Variants in NCKAP5 observed in about 807,000 individuals in gnomAD.
NCKAP5 encodes the protein nck-associated protein 5.
Under a neutral mutation model 167.0 loss-of-function variants are expected in NCKAP5, and 92 were observed. That is an observed-to-expected ratio of 0.55 (90% confidence interval 0.47 to 0.66). NCKAP5 has a LOEUF of 0.66. Ranked by LOEUF, NCKAP5 falls within the 30% of genes least tolerant of loss-of-function variation. The pLI is 0.00. For synonymous variants in NCKAP5, 891 were observed against 877.4 expected (o/e 1.02, Z -0.27); for missense variants, 2,378 against 2,315.0 (o/e 1.03, Z -0.56).
At chr2:133,577,450 A>G in the NCKAP5 span, among the ~76,000 whole-genome samples, 4 of 151,766 alleles carry the variant, frequency 2.6e-5, no homozygotes, top group East Asian at 3.9e-4. Context: ...TATATTCCCT[A>G]TTTTACCATT....
At chr2:133,171,937 G>A (rs1559221931) in intron 5 of NCKAP5, among the ~76,000 whole-genome samples, 1 of 152,152 alleles carries the variant, frequency 6.6e-6, no homozygotes, top group Non-Finnish European at 1.5e-5. Context: ...GAATTCTTCT[G>A]GGGAACAAGT....
Position 132,721,214 on chromosome 2 carries a change from A to C in NCKAP5, c.5713+4413T>G, listed in dbSNP as rs1689888774. Among the ~76,000 whole-genome samples the C allele has an allele frequency of 2.0e-5, 3 of 152,172 alleles. 1 individual carries two copies. In the South Asian group the frequency reaches 6.2e-4, roughly 32 times the overall value. On this transcript the variant is annotated intron_variant, in intron 19 of 19. Coordinates refer to ENST00000409261, the MANE Select transcript of NCKAP5 (RefSeq NM_207363.3). ...TCCCAGCTACTCGGGAGGCTGAGGC[A>C]GGAGAATCGCTTCAACCCAAGAGAC... is the stretch of plus-strand genomic sequence containing the variant.
At chr2:133,213,858 T>C in intron 4 of NCKAP5, 79 bp from the exon 5 acceptor site, 1 of 1,402,798 alleles carries the variant, frequency 7.1e-7, no homozygotes, top group African/African-American at 1.4e-5. Context: ...AACATTCTTT[T>C]GAGGTCTCTA....
At chr2:133,529,302 G>A (rs932790677) in intron 2 of NCKAP5, among the ~76,000 whole-genome samples, 1 of 151,766 alleles carries the variant, frequency 6.6e-6, no homozygotes, top group Non-Finnish European at 1.5e-5. Flanking sequence ...TTTTCTATTT[G>A]TTTACCTATA....
chr2:133,039,211 TTAGATCA>T (rs1223357879), intron 6 of NCKAP5, among the ~76,000 whole-genome samples: 3 of 152,186 alleles, frequency 2.0e-5, no homozygotes, highest in African/African-American at 7.2e-5. Flanking sequence ...GCAATGGGTG[TTAGATCA>T]CCTTGACTTC....
chr2:133,385,555 G>T (rs949943220), intron 3 of NCKAP5, among the ~76,000 whole-genome samples: 1 of 152,184 alleles, frequency 6.6e-6, no homozygotes, highest in Admixed American at 6.5e-5. Flanking sequence ...GATGATGCTG[G>T]CCTCATAAAA....
In NCKAP5 at chr2:132,825,086, T is replaced by C. The variant is rs1042947041; in HGVS notation, c.808-28357A>G. On this transcript the variant is annotated intron_variant, in intron 11 of 19. Coordinates refer to ENST00000409261, the MANE Select transcript of NCKAP5 (RefSeq NM_207363.3). ...TATTAGAGATCCCTGAAAACCAACA[T>C]AGATCTCAGTGGGACAATATCCTGA... Among the ~76,000 whole-genome samples the C allele has an allele frequency of 7.9e-5, 12 of 152,194 alleles. 1 individual carries two copies. Among genetic ancestry groups the C allele is most frequent in the Non-Finnish European group, 1.0e-4 (7 of 68,036 alleles).
At chr2:133,067,875 G>T (rs1040654909) in intron 6 of NCKAP5, among the ~76,000 whole-genome samples, 1 of 152,064 alleles carries the variant, frequency 6.6e-6, no homozygotes, top group African/African-American at 2.4e-5. Flanking sequence ...AATAGAATTG[G>T]GTAGCAGGAG....
chr2:133,007,356 C>T (rs1337509887), intron 6 of NCKAP5, among the ~76,000 whole-genome samples: 5 of 152,284 alleles, frequency 3.3e-5, no homozygotes, highest in African/African-American at 1.2e-4. Context: ...GTGAGAAGGG[C>T]AGAAAATTGG....
intron 7 of NCKAP5, among the ~76,000 whole-genome samples, chr2:132,986,607 A>G (rs2077296106): frequency 6.6e-6 from 1 of 152,202 alleles, no homozygotes; most frequent in South Asian, 2.1e-4. Flanking sequence ...AAAATCTATT[A>G]TGTTAGAAAT....
intron 11 of NCKAP5, among the ~76,000 whole-genome samples, chr2:132,807,494 C>G (rs953387564): frequency 1.3e-5 from 2 of 151,886 alleles, no homozygotes; most frequent in African/African-American, 4.8e-5. Context: ...AGGTATATTC[C>G]TAAGTATTTA....
In NCKAP5 at chr2:133,468,529, G is replaced by A. The variant is rs865898171; in HGVS notation, c.69+48929C>T. Among the ~76,000 whole-genome samples the A allele has an allele frequency of 1.1e-3, 162 of 152,098 alleles. 1 individual carries two copies. Among genetic ancestry groups the A allele is most frequent in the African/African-American group, 3.3e-3 (137 of 41,476 alleles). On this transcript the variant is annotated intron_variant, in intron 3 of 19. Transcript: ENST00000409261. Reference sequence around the variant, plus strand: ...AGTTCTGTAGATGTCTATTAGGTCCGCTTGGTGCGGAGCTGAGTTCAATTC... The same window carrying A: ...AGTTCTGTAGATGTCTATTAGGTCCACTTGGTGCGGAGCTGAGTTCAATTC...
At position 132,790,202 on chromosome 2, in the gene NCKAP5, G is replaced by A. The variant is rs1367089838; in HGVS notation, c.913C>T (p.His305Tyr). 3.7e-6 allele frequency: 6 copies of A among 1,611,032 alleles called. No individual in the cohort carries two copies. The highest frequency in any genetic ancestry group is 1.3e-5 in the African/African-American group (1 of 74,994). ...QSRTDAEVHEHQLNTKSALKC... is the reference protein window; with the variant it reads ...QSRTDAEVHEYQLNTKSALKC... ...AAGGCCGATTTTGTATTTAGTTGGT[G>A]TTCCTGAAAAAGCAGGACAGCTCTG... Residue 305 changes from histidine (H) to tyrosine (Y), a missense_variant, in exon 13 of 20, where the codon CAC becomes TAC. This residue lies in a region of NCKAP5 where 1,049 missense variants were observed against 1,023.4 expected (regional missense o/e 1.02). Coordinates refer to ENST00000409261, the MANE Select transcript of NCKAP5 (RefSeq NM_207363.3).
the NCKAP5 span, among the ~76,000 whole-genome samples, chr2:133,617,840 C>T: frequency 4.7e-5 from 7 of 150,298 alleles, no homozygotes; most frequent in Non-Finnish European, 7.4e-5. Flanking sequence ...GAGCCCGCAT[C>T]GCCAAGTCAA....
intron 6 of NCKAP5, among the ~76,000 whole-genome samples, chr2:133,126,445 A>G (rs1216444551): frequency 6.6e-6 from 1 of 152,228 alleles, no homozygotes; most frequent in East Asian, 1.9e-4. Flanking sequence ...TTTAAGCACC[A>G]GAGTACCGGA....
At chr2:133,076,917 G>A (rs2080624638) in intron 6 of NCKAP5, among the ~76,000 whole-genome samples, 1 of 152,124 alleles carries the variant, frequency 6.6e-6, no homozygotes, top group Non-Finnish European at 1.5e-5. Context: ...TCTGGGAAAC[G>A]TGGTTTTAAA....
intron 4 of NCKAP5, among the ~76,000 whole-genome samples, chr2:133,227,434 T>C (rs189094847): frequency 6.6e-6 from 1 of 152,214 alleles, no homozygotes; most frequent in African/African-American, 2.4e-5. Context: ...CAAACACATG[T>C]ATATACTCTC....
intron 11 of NCKAP5, among the ~76,000 whole-genome samples, chr2:132,857,137 GC>G (rs1167536946): frequency 6.6e-5 from 10 of 151,598 alleles, no homozygotes; most frequent in Non-Finnish European, 1.5e-4. Flanking sequence ...CTGCTTCTTT[GC>G]TTAGAGATCT....
At chr2:133,646,836 G>T in the NCKAP5 span, among the ~76,000 whole-genome samples, 4 of 152,094 alleles carry the variant, frequency 2.6e-5, no homozygotes, top group African/African-American at 9.7e-5. Context: ...ATAATATAAC[G>T]TATGTAGGGA....
Sources: gnomAD v4.1 joint callset for allele counts (sites outside exome capture counted in the v4.1 genomes callset) on GRCh38, gnomAD v4.1.1 for gene constraint, gnomAD v4.1.1 regional missense constraint, MANE v1.5 for transcripts, NCBI Gene and HGNC (gene_info 2026-07-23, HGNC 2026-07-21) for gene names.